The following DPH5 variants were observed in gnomAD, a reference collection of about 807,000 sequenced individuals.
DPH5 encodes diphthine methyl ester synthase.
In DPH5, 31 loss-of-function variants were observed where a neutral mutation model predicts 31.6. That is an observed-to-expected ratio of 0.98 (90% CI 0.74 to 1.32). The LOEUF is 1.32. Ranked by LOEUF, DPH5 falls within the 40% of genes most tolerant of loss-of-function variation. The pLI is 0.00. For missense variants in DPH5, 309 were observed against 335.7 expected (o/e 0.92, Z 0.62); for synonymous variants, 120 against 115.0 (o/e 1.04, Z -0.28).
intron 6 of DPH5, among the ~76,000 whole-genome samples, chr1:100,993,573 T>TATATATATATATATAG (rs1658022602): frequency 1.2e-5 from 1 of 84,298 alleles, no homozygotes; most frequent in Non-Finnish European, 2.6e-5. Context: ...TATATATATA[T>TATATATATATATATAG]ATATATATAT....
intron 6 of DPH5, among the ~76,000 whole-genome samples, chr1:100,994,682 A>C (rs141318159): frequency 0.016 from 2,502 of 152,080 alleles, 71 homozygotes; most frequent in African/African-American, 0.057. Flanking sequence ...ACGTGCCACC[A>C]CACCCAGCTA....
chr1:101,016,181 C>T (rs1287797788), intron 3 of DPH5, among the ~76,000 whole-genome samples: 1 of 151,840 alleles, frequency 6.6e-6, no homozygotes, highest in African/African-American at 2.4e-5. Context: ...GGTGAAACCC[C>T]GTCTCTACTA....
At chr1:101,024,089 G>GA (rs915113435) in intron 2 of DPH5, among the ~76,000 whole-genome samples, 6 of 151,208 alleles carry the variant, frequency 4.0e-5, no homozygotes, top group African/African-American at 1.2e-4. Flanking sequence ...GAAAAAATGA[G>GA]AAAAAAAAAT....
intron 2 of DPH5, among the ~76,000 whole-genome samples, chr1:101,024,644 A>C (rs985872750): frequency 6.6e-6 from 1 of 152,240 alleles, no homozygotes; most frequent in Non-Finnish European, 1.5e-5. Context: ...GAGTTTGACA[A>C]TGAACCTGAA....
intron 4 of DPH5, among the ~76,000 whole-genome samples, chr1:101,003,055 A>G (rs1233903450): frequency 2.0e-5 from 3 of 152,242 alleles, no homozygotes; most frequent in Non-Finnish European, 4.4e-5. Context: ...GTTTACTCCC[A>G]AAGTCCATTT....
intron 4 of DPH5, chr1:101,011,571 C>T (rs913169453): frequency 6.6e-6 from 1 of 152,170 alleles, no homozygotes; most frequent in Non-Finnish European, 1.5e-5. Flanking sequence ...AATTTAGACA[C>T]GAGAACAATT....
At chr1:101,021,809 A>T (rs763786044) in intron 2 of DPH5, 44 bp from the exon 3 acceptor site, 1 of 1,487,468 alleles carries the variant, frequency 6.7e-7, no homozygotes, top group Admixed American at 1.9e-5. Context: ...ACAGCAGGTG[A>T]CCATTCTAAC....
intron 5 of DPH5, among the ~76,000 whole-genome samples, chr1:101,000,361 G>C (rs1012055752): frequency 6.6e-6 from 1 of 152,172 alleles, no homozygotes; most frequent in Admixed American, 6.5e-5. Flanking sequence ...TGTGTTGCCA[G>C]TAAATGATGA....
In DPH5 at chr1:100,993,476, C is replaced by T. The variant is rs142476274; in HGVS notation, c.531-736G>A. On this transcript the variant is annotated intron_variant, in intron 6 of 7. Transcript: ENST00000370109. ...CTGAGACAGGAGAATCAATTGAACC[C>T]GGGAGACGGAGGTTGCAGCGAGCTG... Among the ~76,000 whole-genome samples the T allele has an allele frequency of 6.3e-3, 940 of 148,658 alleles. 16 individuals are homozygous for T. The highest frequency in any genetic ancestry group is 0.022 in the African/African-American group (901 of 40,364).
At chr1:100,991,210 T>A (rs375455968) in intron 7 of DPH5, among the ~76,000 whole-genome samples, 3 of 152,336 alleles carry the variant, frequency 2.0e-5, no homozygotes, top group African/African-American at 7.2e-5. Flanking sequence ...AATGAGCATT[T>A]GGCACTATTT....
intron 5 of DPH5, among the ~76,000 whole-genome samples, chr1:100,997,155 T>C (rs1266245205): frequency 6.6e-6 from 1 of 152,236 alleles, no homozygotes; most frequent in Non-Finnish European, 1.5e-5. Context: ...GAATTTTTGT[T>C]CTTTAAACTT....
At position 100,992,680 on chromosome 1, in the gene DPH5, A is replaced by C; in HGVS notation, c.591T>G (p.Leu197=). The C allele has an allele frequency of 6.2e-7, 1 of 1,613,934 alleles. No individual in the cohort carries two copies. The change falls in exon 7 of 8, where the codon CTT becomes CTG. Residue 197 remains leucine, a synonymous_variant. Transcript: ENST00000370109. ...TTCTTTGATTTTGAACAATCTCCAG[A>C]AGCTGCTGGGCTGCTTGGTTTACAC... ...YMSVNQAAQQ[L]LEIVQNQRIR... is the part of the protein sequence containing the mutation.
intron 3 of DPH5, among the ~76,000 whole-genome samples, chr1:101,018,627 T>C (rs1373575205): frequency 1.3e-5 from 2 of 152,218 alleles, no homozygotes; most frequent in Admixed American, 6.5e-5. Context: ...TGCAATGATA[T>C]AGCGCAAATG....
At chr1:101,022,681 T>TA in intron 2 of DPH5, among the ~76,000 whole-genome samples, 1 of 152,286 alleles carries the variant, frequency 6.6e-6, no homozygotes, top group East Asian at 1.9e-4. Context: ...AGTGAGTTAT[T>TA]AAAATTTATA....
chr1:101,021,825 C>CACAT (rs1660474083), intron 2 of DPH5, 60 bp from the exon 3 acceptor site: 15 of 855,824 alleles, frequency 1.8e-5, no homozygotes, highest in Non-Finnish European at 2.3e-5. Context: ...CTAACACACA[C>CACAT]ACACACACAC....
chr1:101,012,869 C>T (rs1369961552), intron 4 of DPH5, among the ~76,000 whole-genome samples: 2 of 152,134 alleles, frequency 1.3e-5, no homozygotes, highest in African/African-American at 2.4e-5. Flanking sequence ...AAATATAGTC[C>T]TCTAAAGCTA....
Position 101,005,288 on chromosome 1 carries a change from CTAAAT to C in DPH5, c.370-3706_370-3702del, listed in dbSNP as rs1264714531. On this transcript the variant is annotated intron_variant, in intron 4 of 7. Coordinates refer to ENST00000370109, the MANE Select transcript of DPH5 (RefSeq NM_015958.3). The stretch of plus-strand genomic sequence containing the variant: ...CCTGCAAGTATCATGTATTTATATC[CTAAAT>C]TAAATCAGTTAAATCTGTGAAGTGA... 3.9e-5 allele frequency among the ~76,000 whole-genome samples: 6 copies of C among 152,152 alleles called. No individual in the cohort carries two copies. In the East Asian group the frequency reaches 1.2e-3, roughly 29 times the overall value.
At chr1:101,023,239 A>T (rs1660593655) in intron 2 of DPH5, 1 of 152,166 alleles carries the variant, frequency 6.6e-6, no homozygotes, top group African/African-American at 2.4e-5. Flanking sequence ...AAAGAGTGGC[A>T]GACTTCAACT....
chr1:100,994,630 G>C (rs376915444), intron 6 of DPH5, among the ~76,000 whole-genome samples: 1 of 151,474 alleles, frequency 6.6e-6, no homozygotes, highest in Non-Finnish European at 1.5e-5. Flanking sequence ...AGATTCAAGC[G>C]ATTCTCGTGC....
Sources: gnomAD v4.1 joint callset for allele counts (sites outside exome capture counted in the v4.1 genomes callset) on GRCh38, gnomAD v4.1.1 for gene constraint, MANE v1.5 for transcripts, NCBI Gene and HGNC (gene_info 2026-07-23, HGNC 2026-07-21) for gene names.